Variants in IFT140 observed in about 807,000 individuals in gnomAD.
IFT140 encodes the protein intraflagellar transport 140.
In IFT140, 133 loss-of-function variants were observed where a neutral mutation model predicts 164.6. The ratio of observed to expected loss-of-function variants is 0.81; its 90% CI spans 0.70 to 0.93. IFT140 has a LOEUF of 0.93. Among genes scored for constraint, IFT140 ranks in the 40% least tolerant of loss-of-function variants. The pLI is 0.00. For synonymous variants in IFT140, 860 were observed against 817.3 expected, an observed-to-expected ratio of 1.05 and a Z score of -0.89; for missense variants, 2,045 against 1,972.3, an observed-to-expected ratio of 1.04 and a Z score of -0.70.
chr16:1,518,827 G>A (rs1447218461), intron 29 of IFT140, among the ~76,000 whole-genome samples: 1 of 152,028 alleles, frequency 6.6e-6, no homozygotes, highest in Non-Finnish European at 1.5e-5. Flanking sequence ...TGTGGCCTGT[G>A]AGCTGGGGTG....
chr16:1,526,651 C>T lies in IFT140; in HGVS notation c.2545G>A (p.Val849Met), dbSNP rs771662799. The change falls in exon 20 of 31, where the codon GTG becomes ATG. Residue 849 changes from valine (V) to methionine (M), a missense_variant. Physicochemically the swap from Val to Met is conservative, Grantham distance 21. Coordinates refer to ENST00000426508, the MANE Select transcript of IFT140 (RefSeq NM_014714.4). ...AEQEPELEARVAVLATQLGML... is the reference protein window; with the variant it reads ...AEQEPELEARMAVLATQLGML... ...CCCAGCTGCGTGGCCAGCACGGCCA[C>T]GCGGGCCTCTAGCTCCGGCTCCTGC... 27 of 1,579,294 alleles carry T rather than the reference C, an allele frequency of 1.7e-5. No homozygotes were observed. Among genetic ancestry groups the T allele is most frequent in the Admixed American group, 8.9e-5 (5 of 56,054 alleles).
intron 4 of IFT140, among the ~76,000 whole-genome samples, chr16:1,597,365 G>A (rs771046390): frequency 2.0e-5 from 3 of 152,260 alleles, no homozygotes; most frequent in South Asian, 2.1e-4. Context: ...GCTGGACTTT[G>A]AGGCCCCTCC....
At position 1,525,781 on chromosome 16, in the gene IFT140, C is replaced by G. The variant is rs200470536; in HGVS notation, c.2768+106G>C. On this transcript the variant is annotated intron_variant, in intron 21 of 30. Transcript: ENST00000426508. ...GCTGCCACCACCCTGAGACAGACGC[C>G]TCCTCTAAGAACCTCCCTGGCCACC... The G allele has an allele frequency of 5.8e-5, 68 of 1,171,468 alleles. No individual in the cohort carries two copies. The East Asian group carries it at 1.8e-3, about 31-fold the overall frequency. The allele number at this position is 1,171,468 out of a possible 1,614,324, so 72.6% of individuals were successfully genotyped here. A position where few individuals can be genotyped will look rare whatever the true frequency, so the allele number is the denominator to read the frequency against.
chr16:1,518,281 T>C lies in IFT140; in HGVS notation c.4117A>G (p.Ile1373Val), dbSNP rs1191743462. The part of the protein sequence containing the change: ...LLEEPDLDST[I>V]RIGDVYGFLV... The stretch of plus-strand genomic sequence containing the variant: ...AAGCCATAGACGTCCCCGATGCGGA[T>C]GGTGCTGTCCAGGTCTGGTTCCTCC... The change falls in exon 30 of 31, where the codon ATC (isoleucine) becomes GTC (valine). Residue 1373 changes from isoleucine to valine, a missense_variant. Physicochemically the swap from Ile to Val is conservative, Grantham distance 29. Coordinates refer to ENST00000426508, the MANE Select transcript of IFT140 (RefSeq NM_014714.4). 6.2e-7 allele frequency: 1 copy of C among 1,614,144 alleles called. No homozygotes were observed. Among genetic ancestry groups the C allele is most frequent in the East Asian group, 2.2e-5 (1 of 44,858 alleles).
chr16:1,570,200 C>T (rs936700494), intron 14 of IFT140, among the ~76,000 whole-genome samples: 10 of 152,170 alleles, frequency 6.6e-5, no homozygotes, highest in African/African-American at 2.4e-4. Context: ...GTGGTAGAAA[C>T]CAAGGTCTGG....
At chr16:1,538,093 G>A (rs539992188) in intron 19 of IFT140, among the ~76,000 whole-genome samples, 32 of 152,220 alleles carry the variant, frequency 2.1e-4, no homozygotes, top group Non-Finnish European at 3.2e-4. Flanking sequence ...AGCAGTGAAC[G>A]CCAGCTCCAA....
At chr16:1,517,286 C>T (rs1283184127) in intron 30 of IFT140, among the ~76,000 whole-genome samples, 4 of 150,780 alleles carry the variant, frequency 2.7e-5, no homozygotes, top group Non-Finnish European at 5.9e-5. Flanking sequence ...GGAGGCGGAG[C>T]TTGCAGTGAG....
rs779602718 is a variant in IFT140 at position 1,526,845 on chromosome 16, C to T, written c.2400-49G>A. ...AGGCTCCTGCCCAGCACCTCAGGGCCCCCTGGCCCTACGGCCCCTTCTCCT... is the reference window on the plus strand; with the variant it reads ...AGGCTCCTGCCCAGCACCTCAGGGCTCCCTGGCCCTACGGCCCCTTCTCCT... On this transcript the variant is annotated intron_variant, in intron 19 of 30. Coordinates refer to ENST00000426508, the MANE Select transcript of IFT140 (RefSeq NM_014714.4). The T allele has an allele frequency of 1.9e-6, 3 of 1,552,858 alleles. 1 individual carries two copies. In the South Asian group the frequency reaches 3.6e-5, roughly 18 times the overall value.
intron 25 of IFT140, 48 bp from the exon 26 acceptor site, chr16:1,523,748 G>A (rs748256631): frequency 1.6e-5 from 25 of 1,605,518 alleles, no homozygotes; most frequent in South Asian, 4.4e-5. Flanking sequence ...CTGGGGGCCC[G>A]AGCACGGAGG....
chr16:1,519,853 CCTGTCCCCG>C lies in IFT140; in HGVS notation c.4040+19_4040+27del. 6.6e-7 allele frequency: 1 copy of C among 1,514,766 alleles called. No individual in the cohort carries two copies. Among genetic ancestry groups the C allele is most frequent in the Non-Finnish European group, 8.8e-7 (1 of 1,134,674 alleles). 93.8% of individuals were successfully genotyped at this position (1,514,766 alleles called of 1,614,324 possible). On this transcript the variant is annotated intron_variant, in intron 29 of 30. Coordinates refer to ENST00000426508, the MANE Select transcript of IFT140 (RefSeq NM_014714.4). ...GGCCCTGTAGTCACATCTGCCCTGG[CCTGTCCCCG>C]CTGGCCCCGGGGGCACACCTGCGGG...
At chr16:1,523,481 T>C in intron 26 of IFT140, 37 bp downstream of exon 26, 2 of 1,590,522 alleles carry the variant, frequency 1.3e-6, no homozygotes, top group Non-Finnish European at 1.7e-6. Context: ...CCGTGGTGCC[T>C]GCGTGGAGCC....
intron 19 of IFT140, among the ~76,000 whole-genome samples, chr16:1,546,920 C>T (rs564132691): frequency 3.3e-5 from 5 of 152,342 alleles, no homozygotes; most frequent in South Asian, 2.1e-4. Flanking sequence ...ATGAGGAGGT[C>T]GTGGCCATGC....
In IFT140 at chr16:1,518,290, C is replaced by T; in HGVS notation, c.4108G>A (p.Asp1370Asn). ...CELLLEEPDLDSTIRIGDVYG... is the reference protein window; with the variant it reads ...CELLLEEPDLNSTIRIGDVYG... The stretch of plus-strand genomic sequence containing the variant: ...ACGTCCCCGATGCGGATGGTGCTGT[C>T]CAGGTCTGGTTCCTCCAGGAGCAGC... Residue 1370 changes from aspartate to asparagine, a missense_variant, in exon 30 of 31, where the codon GAC (aspartate) becomes AAC (asparagine). Coordinates refer to ENST00000426508, the MANE Select transcript of IFT140 (RefSeq NM_014714.4). 1 of 1,614,130 alleles carries T rather than the reference C, an allele frequency of 6.2e-7. No individual in the cohort carries two copies. Among genetic ancestry groups the T allele is most frequent in the Non-Finnish European group, 8.5e-7 (1 of 1,180,008 alleles).
chr16:1,565,136 G>A (rs949863237), intron 16 of IFT140, among the ~76,000 whole-genome samples: 3 of 152,206 alleles, frequency 2.0e-5, no homozygotes, highest in African/African-American at 4.8e-5. Flanking sequence ...CACGGCAGGC[G>A]CAGAGTCGAG....
rs1020492426 is a variant in IFT140, at chr16:1,589,685, C to A, written c.730G>T (p.Ala244Ser). ...AGGTTCTCTGTGACCACCACCAGTGCCTCCCTCTTCTCCATGTAGAACAGC... is the reference window on the plus strand; with the variant it reads ...AGGTTCTCTGTGACCACCACCAGTGACTCCCTCTTCTCCATGTAGAACAGC... ...QMLFYMEKRE[A>S]LVVVTENLRL... Residue 244 changes from alanine to serine, a missense_variant, in exon 7 of 31, where the codon GCA becomes TCA. By Grantham distance (99) the Ala-to-Ser change is moderately conservative. Coordinates refer to ENST00000426508, the MANE Select transcript of IFT140 (RefSeq NM_014714.4). The A allele has an allele frequency of 6.2e-7, 1 of 1,614,140 alleles. No homozygotes were observed. Among genetic ancestry groups the A allele is most frequent in the Non-Finnish European group, 8.5e-7 (1 of 1,180,026 alleles).
intron 19 of IFT140, 131 bp downstream of exon 19, chr16:1,557,804 A>G (rs909511315): frequency 7.7e-6 from 7 of 904,846 alleles, no homozygotes; most frequent in African/African-American, 3.3e-5. Context: ...TGGGAAGACC[A>G]TGAAATACAC....
intron 21 of IFT140, 73 bp from the exon 22 acceptor site, chr16:1,525,399 C>T (rs919255469): frequency 1.4e-5 from 16 of 1,166,964 alleles, no homozygotes; most frequent in Non-Finnish European, 2.0e-5. Context: ...GGCTGAGGGG[C>T]AGCGTCGGTG....
At chr16:1,563,869 C>T (rs2141537983) in intron 17 of IFT140, 128 bp downstream of exon 17, 1 of 967,682 alleles carries the variant, frequency 1.0e-6, no homozygotes, top group East Asian at 2.8e-5. Context: ...CAAGCGTTCC[C>T]TCCCGCCTTG....
At chr16:1,511,553 G>T (rs1197492430) in intron 30 of IFT140, among the ~76,000 whole-genome samples, 1 of 152,182 alleles carries the variant, frequency 6.6e-6, no homozygotes, top group East Asian at 1.9e-4. Flanking sequence ...GTGGAGGGCA[G>T]GCAGCGATAT....
Sources: allele counts gnomAD v4.1 joint callset (sites outside exome capture counted in the v4.1 genomes callset), GRCh38; gene constraint gnomAD v4.1.1; transcripts MANE v1.5; gene names NCBI Gene and HGNC (gene_info 2026-07-23, HGNC 2026-07-21).